The following TAFA2 variants were observed in gnomAD, a reference collection of about 807,000 sequenced individuals.
TAFA2 encodes the protein chemokine-like protein TAFA-2.
In TAFA2, 7 loss-of-function variants were observed where a neutral mutation model predicts 18.8. The observed-to-expected ratio is 0.37, with a 90% CI of 0.21 to 0.70. The LOEUF (loss-of-function observed/expected upper bound fraction) is 0.70, where lower values mean the gene tolerates loss of function less well. Among genes scored for constraint, TAFA2 ranks in the 30% least tolerant of loss-of-function variants. The probability of loss-of-function intolerance (pLI) is 0.53; values close to 1 mark genes in which losing one functional copy is unlikely to be tolerated. For synonymous variants in TAFA2, 60 were observed against 54.2 expected (o/e 1.11, Z -0.47); for missense variants, 122 against 158.1 (o/e 0.77, Z 1.23).
intron 1 of TAFA2, among the ~76,000 whole-genome samples, chr12:61,973,749 A>T (rs1159561180): frequency 6.6e-6 from 1 of 151,726 alleles, no homozygotes; most frequent in Non-Finnish European, 1.5e-5. Context: ...TTAGCTATAT[A>T]TCAGAACCAC....
At chr12:61,756,235 G>A (rs909738265) in intron 2 of TAFA2, among the ~76,000 whole-genome samples, 2 of 151,972 alleles carry the variant, frequency 1.3e-5, no homozygotes, top group African/African-American at 2.4e-5. Flanking sequence ...GTAACATACA[G>A]CTTTGACATA....
intron 1 of TAFA2, among the ~76,000 whole-genome samples, chr12:62,092,735 A>G (rs1296031677): frequency 2.0e-5 from 3 of 152,002 alleles, no homozygotes; most frequent in Non-Finnish European, 4.4e-5. Context: ...ACAAACACCT[A>G]CTATAGTAGA....
At chr12:62,035,681 G>A (rs1297937676) in intron 1 of TAFA2, among the ~76,000 whole-genome samples, 1 of 151,204 alleles carries the variant, frequency 6.6e-6, no homozygotes, top group Non-Finnish European at 1.5e-5. Context: ...GACCCTCTAG[G>A]GCAAGGTTTC....
At chr12:62,179,099 T>C (rs1208755809) in intron 1 of TAFA2, among the ~76,000 whole-genome samples, 1 of 152,236 alleles carries the variant, frequency 6.6e-6, no homozygotes, top group Non-Finnish European at 1.5e-5. Flanking sequence ...AGTATAGTTA[T>C]TATTTATGAT....
chr12:62,157,032 G>A (rs566746090), intron 1 of TAFA2, among the ~76,000 whole-genome samples: 3 of 152,116 alleles, frequency 2.0e-5, no homozygotes, highest in East Asian at 3.9e-4. Context: ...GGGTATATAT[G>A]CCCTTAGACC....
At chr12:61,967,160 T>C (rs1346057170) in intron 1 of TAFA2, among the ~76,000 whole-genome samples, 1 of 151,808 alleles carries the variant, frequency 6.6e-6, no homozygotes, top group Non-Finnish European at 1.5e-5. Context: ...AGTGCATCTT[T>C]TTCTATGTGC....
At position 62,164,333 on chromosome 12, in the gene TAFA2, C is replaced by G. The variant is rs370267034; in HGVS notation, c.-2+26926G>C. Among the ~76,000 whole-genome samples, 4 of 152,122 alleles carry G rather than the reference C, an allele frequency of 2.6e-5. No homozygotes were observed. The East Asian group carries it at 7.7e-4, about 29-fold the overall frequency. On this transcript the variant is annotated intron_variant, in intron 1 of 4. Coordinates refer to ENST00000416284, the MANE Select transcript of TAFA2 (RefSeq NM_178539.5). The stretch of plus-strand genomic sequence containing the variant: ...AGAACTTAAGATCCATTTTTATACT[C>G]TGGACATCATAGTGCTGGAACTTGC...
At chr12:61,878,003 CAT>C in intron 1 of TAFA2, 1 of 449,952 alleles carries the variant, frequency 2.2e-6, no homozygotes, top group South Asian at 1.6e-5. Context: ...GAAATTACAA[CAT>C]AGATGAATTT....
chr12:61,947,671 A>C (rs1479559080), intron 1 of TAFA2, among the ~76,000 whole-genome samples: 1 of 152,080 alleles, frequency 6.6e-6, no homozygotes, highest in Admixed American at 6.6e-5. Context: ...TACTCCAACA[A>C]TACATGCTCT....
rs557493434 is a variant in TAFA2 at position 61,976,215 on chromosome 12, C to T, written c.-1-108789G>A. Among the ~76,000 whole-genome samples, 12 of 151,952 alleles carry T rather than the reference C, an allele frequency of 7.9e-5. No individual in the cohort carries two copies. The East Asian group carries it at 2.1e-3, about 27-fold the overall frequency. On this transcript the variant is annotated intron_variant, in intron 1 of 4. Transcript: ENST00000416284. ...ATGTTTTGCCTTTTCATTTTCTTCA[C>T]TGAGCCTCTGTTGGACTCATTAATT...
At chr12:62,051,417 T>A (rs914570692) in intron 1 of TAFA2, among the ~76,000 whole-genome samples, 4 of 152,066 alleles carry the variant, frequency 2.6e-5, no homozygotes, top group African/African-American at 9.7e-5. Flanking sequence ...GAAAAATGAA[T>A]CAAACACACT....
intron 2 of TAFA2, among the ~76,000 whole-genome samples, chr12:61,843,667 A>G (rs1873283682): frequency 6.6e-6 from 1 of 152,156 alleles, no homozygotes; most frequent in Non-Finnish European, 1.5e-5. Context: ...TCCATTTTCA[A>G]TTGATTGAAA....
Position 62,169,919 on chromosome 12 carries a change from A to G in TAFA2, c.-2+21340T>C, listed in dbSNP as rs560200873. Among the ~76,000 whole-genome samples the G allele has an allele frequency of 1.2e-4, 18 of 152,032 alleles. No homozygotes were observed. The East Asian group carries it at 3.5e-3, about 29-fold the overall frequency. Reference sequence around the variant, plus strand: ...GTCTTCTTTAATAAATGCTTTTGTTAATTTGTTCTACCCAAAACTGATAGT... The same window carrying G: ...GTCTTCTTTAATAAATGCTTTTGTTGATTTGTTCTACCCAAAACTGATAGT... On this transcript the variant is annotated intron_variant, in intron 1 of 4. Coordinates refer to ENST00000416284, the MANE Select transcript of TAFA2 (RefSeq NM_178539.5).
chr12:61,752,041 G>A (rs1051514022), intron 4 of TAFA2, among the ~76,000 whole-genome samples: 1 of 151,976 alleles, frequency 6.6e-6, no homozygotes, highest in East Asian at 1.9e-4. Flanking sequence ...TTAAAAGATT[G>A]GGTTTTGGAA....
chr12:61,933,117 G>T (rs987290918), intron 1 of TAFA2, among the ~76,000 whole-genome samples: 4 of 152,128 alleles, frequency 2.6e-5, no homozygotes, highest in Admixed American at 2.6e-4. Flanking sequence ...GGTAAAGGAG[G>T]TTCTTGTACT....
At chr12:62,090,137 C>T (rs1868647828) in intron 1 of TAFA2, among the ~76,000 whole-genome samples, 1 of 152,022 alleles carries the variant, frequency 6.6e-6, no homozygotes, top group African/African-American at 2.4e-5. Context: ...AATTCACGTT[C>T]AGATCTTGGC....
At chr12:61,875,977 T>G (rs998247221) in intron 1 of TAFA2, among the ~76,000 whole-genome samples, 3 of 152,210 alleles carry the variant, frequency 2.0e-5, no homozygotes, top group Non-Finnish European at 2.9e-5. Context: ...TGTAGCCTTT[T>G]ATAGATGGCT....
chr12:62,027,750 T>G (rs1239266848), intron 1 of TAFA2, among the ~76,000 whole-genome samples: 5 of 152,152 alleles, frequency 3.3e-5, no homozygotes, highest in Admixed American at 6.6e-5. Context: ...GATGAGAAAC[T>G]AAAGTACACA....
intron 1 of TAFA2, among the ~76,000 whole-genome samples, chr12:62,183,779 T>A (rs1022231240): frequency 2.6e-5 from 4 of 152,214 alleles, no homozygotes; most frequent in Non-Finnish European, 5.9e-5. Flanking sequence ...CCAAGGATTA[T>A]AAATTCTCAA....
Sources: allele counts gnomAD v4.1 joint callset (sites outside exome capture counted in the v4.1 genomes callset), GRCh38; gene constraint gnomAD v4.1.1; transcripts MANE v1.5; gene names NCBI Gene and HGNC (gene_info 2026-07-23, HGNC 2026-07-21).